The following DRG1 variants were observed in gnomAD, a reference collection of about 807,000 sequenced individuals.
The protein encoded by DRG1 is developmentally regulated GTP binding protein 1.
In DRG1, 19 loss-of-function variants were observed where a neutral mutation model predicts 38.8. That is an observed-to-expected ratio of 0.49 (90% CI 0.34 to 0.72). The LOEUF (loss-of-function observed/expected upper bound fraction) is 0.72, where lower values mean the gene tolerates loss of function less well. Among genes scored for constraint, DRG1 ranks in the 30% least tolerant of loss-of-function variants. The pLI, the probability that DRG1 is intolerant of heterozygous loss-of-function variation, is 0.01. For synonymous variants in DRG1, 167 were observed against 157.5 expected (o/e 1.06, Z -0.45); for missense variants, 299 against 444.8 (o/e 0.67, Z 2.95).
rs1434556300 is a variant in DRG1, at chr22:31,399,611, C to G, written c.-73C>G. ...ACCGCGCCTGCGTGCTGCAGTAGCG[C>G]CTGGTGGCGGTGGCAGTTTGCCCGC... On this transcript the variant is annotated 5_prime_UTR_variant, in exon 1 of 9. Transcript: ENST00000331457. The G allele has an allele frequency of 6.2e-7, 1 of 1,603,600 alleles. No individual in the cohort carries two copies. Among genetic ancestry groups the G allele is most frequent in the Non-Finnish European group, 8.5e-7 (1 of 1,170,498 alleles).
At chr22:31,412,352 C>CTTTTTT (rs539328480) in intron 4 of DRG1, among the ~76,000 whole-genome samples, 1 of 127,290 alleles carries the variant, frequency 7.9e-6, no homozygotes, top group African/African-American at 2.8e-5. Flanking sequence ...TTCTTTCTTT[C>CTTTTTT]TTTTTTTTTT....
At chr22:31,419,772 A>G (rs1272488311) in intron 4 of DRG1, among the ~76,000 whole-genome samples, 1 of 152,074 alleles carries the variant, frequency 6.6e-6, no homozygotes, top group African/African-American at 2.4e-5. Flanking sequence ...GGGTGGGCGC[A>G]GTGGCTCATG....
chr22:31,427,738 A>C (rs976004342), intron 8 of DRG1, among the ~76,000 whole-genome samples: 2 of 151,500 alleles, frequency 1.3e-5, no homozygotes, highest in African/African-American at 4.9e-5. Flanking sequence ...GCTAATTTTT[A>C]ATTTTTCATT....
intron 3 of DRG1, among the ~76,000 whole-genome samples, chr22:31,405,907 C>T (rs1486908082): frequency 6.6e-6 from 1 of 151,774 alleles, no homozygotes. Flanking sequence ...AGGCTAGTCT[C>T]GAACTCCTGA....
intron 8 of DRG1, among the ~76,000 whole-genome samples, chr22:31,430,561 G>A (rs1189318470): frequency 2.0e-5 from 3 of 151,818 alleles, no homozygotes; most frequent in South Asian, 4.2e-4. Context: ...CACCACACTC[G>A]TCTAATTTTT....
chr22:31,404,248 CT>C (rs535637820), intron 3 of DRG1, among the ~76,000 whole-genome samples: 421 of 138,126 alleles, frequency 3.0e-3, no homozygotes, highest in Middle Eastern at 0.011. Context: ...CCTTAATCTT[CT>C]TTTTTTTTTT....
chr22:31,420,554 C>G (rs1045368747), intron 5 of DRG1, 129 bp downstream of exon 5: 10 of 1,137,402 alleles, frequency 8.8e-6, no homozygotes, highest in Admixed American at 2.9e-5. Context: ...AACACAATGA[C>G]TTTATAATGA....
At chr22:31,432,395 T>C (rs1409621012) in intron 8 of DRG1, among the ~76,000 whole-genome samples, 1 of 151,548 alleles carries the variant, frequency 6.6e-6, no homozygotes, top group Non-Finnish European at 1.5e-5. Flanking sequence ...ACTGATCCCT[T>C]ACTCTGTGCT....
At chr22:31,403,526 G>A (rs1399063797) in intron 3 of DRG1, among the ~76,000 whole-genome samples, 1 of 152,112 alleles carries the variant, frequency 6.6e-6, no homozygotes, top group African/African-American at 2.4e-5. Flanking sequence ...AATTAGCCGG[G>A]TGTAGTGGCA....
intron 1 of DRG1, 95 bp downstream of exon 1, chr22:31,399,820 G>C (rs2049950833): frequency 2.5e-6 from 4 of 1,579,574 alleles, no homozygotes; most frequent in Admixed American, 3.4e-5. Flanking sequence ...CGTCAGGACC[G>C]GGCCTAGATT....
intron 4 of DRG1, among the ~76,000 whole-genome samples, chr22:31,416,931 G>A (rs950270478): frequency 3.3e-5 from 5 of 151,592 alleles, no homozygotes; most frequent in Non-Finnish European, 5.9e-5. Context: ...TGGATGTGGT[G>A]GTATGCTTCT....
Position 31,420,236 on chromosome 22 carries a change from G to GT in DRG1, c.413-13dup. 1 of 1,608,436 alleles carries GT rather than the reference G, an allele frequency of 6.2e-7. No individual in the cohort carries two copies. Among genetic ancestry groups the GT allele is most frequent in the Non-Finnish European group, 8.5e-7 (1 of 1,176,752 alleles). On this transcript the variant is annotated intron_variant, in intron 4 of 8. Transcript: ENST00000331457. ...GGCTTTATTGAACTTTCTTGCGTAT[G>GT]TTTTTTTCTTACTCTTCAGTGGCCC...
chr22:31,415,553 G>A (rs2050039881), intron 4 of DRG1, among the ~76,000 whole-genome samples: 1 of 152,128 alleles, frequency 6.6e-6, no homozygotes, highest in South Asian at 2.1e-4. Context: ...GTAGAAACGG[G>A]GTTTCACCAT....
chr22:31,407,685 C>CTTTT (rs71319190), intron 3 of DRG1, among the ~76,000 whole-genome samples: 6 of 137,220 alleles, frequency 4.4e-5, no homozygotes, highest in Non-Finnish European at 7.8e-5. Context: ...TTTCATTTTT[C>CTTTT]TTTTTTTTTT....
rs1291076266 is a variant in DRG1 at position 31,426,600 on chromosome 22, C to A, written c.714-15C>A. 3.1e-6 allele frequency: 5 copies of A among 1,598,736 alleles called. No individual in the cohort carries two copies. In the South Asian group the frequency reaches 5.6e-5, roughly 18 times the overall value. ...AACTCCAGACTAATACCCTGTTTTT[C>A]TTCACTTTCTGTAGAGTTTATATCC... On this transcript the variant is annotated splice_polypyrimidine_tract_variant and intron_variant, in intron 6 of 8. Coordinates refer to ENST00000331457, the MANE Select transcript of DRG1 (RefSeq NM_004147.4).
chr22:31,433,141 T>C lies in DRG1; in HGVS notation c.1005-731T>C, dbSNP rs547699414. 9.2e-5 allele frequency among the ~76,000 whole-genome samples: 14 copies of C among 152,224 alleles called. 1 individual carries two copies. The South Asian group carries it at 2.9e-3, about 32-fold the overall frequency. On this transcript the variant is annotated intron_variant, in intron 8 of 8. Transcript: ENST00000331457. ...GCTGAAGAGGGAGGCCCTAATTTCTTGTCAGTACCCACTGATGGTTTCAGG... is the reference window on the plus strand; with the variant it reads ...GCTGAAGAGGGAGGCCCTAATTTCTCGTCAGTACCCACTGATGGTTTCAGG...
At chr22:31,413,904 G>A (rs1024404762) in intron 4 of DRG1, among the ~76,000 whole-genome samples, 4 of 151,822 alleles carry the variant, frequency 2.6e-5, no homozygotes, top group African/African-American at 9.7e-5. Flanking sequence ...GTGAGCCACC[G>A]GGCCCTCCCG....
chr22:31,408,681 AG>A (rs1242286752), intron 3 of DRG1, among the ~76,000 whole-genome samples: 1 of 144,256 alleles, frequency 6.9e-6, no homozygotes, highest in East Asian at 2.3e-4. Flanking sequence ...TGAACCTGGG[AG>A]GCGGACATTG....
At chr22:31,410,390 G>A (rs1386039816) in intron 3 of DRG1, among the ~76,000 whole-genome samples, 10 of 152,010 alleles carry the variant, frequency 6.6e-5, no homozygotes, top group Admixed American at 5.9e-4. Context: ...GGGAGGTGGA[G>A]GTTTCAGTGA....
Sources: allele counts gnomAD v4.1 joint callset (sites outside exome capture counted in the v4.1 genomes callset), GRCh38; gene constraint gnomAD v4.1.1; transcripts MANE v1.5; gene names NCBI Gene and HGNC (gene_info 2026-07-23, HGNC 2026-07-21).